HSD17B6: variants seen among roughly 807,000 people sequenced by gnomAD.
HSD17B6 encodes 17-beta-hydroxysteroid dehydrogenase type 6.
A neutral mutation model predicts 26.4 loss-of-function variants in HSD17B6; 16 were observed. The ratio of observed to expected loss-of-function variants is 0.61; its 90% CI spans 0.41 to 0.92. HSD17B6 has a LOEUF of 0.92. HSD17B6 is among the 40% of genes least tolerant of loss of function. The probability of loss-of-function intolerance (pLI) is 0.00; values close to 1 mark genes in which losing one functional copy is unlikely to be tolerated. For missense variants in HSD17B6, 357 were observed against 386.1 expected (o/e 0.92, Z 0.63); for synonymous variants, 139 against 153.0 (o/e 0.91, Z 0.68).
At position 56,787,108 on chromosome 12, in the gene HSD17B6, TC is replaced by T; in HGVS notation, c.737-16del. ...AGGAATAAGATTGTTGACCACCATT[TC>T]TTTTTTTGTATACAGTTTACAATAT... On this transcript the variant is annotated splice_polypyrimidine_tract_variant and intron_variant, in intron 4 of 4. Transcript: ENST00000322165. The T allele has an allele frequency of 6.3e-7, 1 of 1,582,418 alleles. No homozygotes were observed. Among genetic ancestry groups the T allele is most frequent in the Non-Finnish European group, 8.7e-7 (1 of 1,151,778 alleles).
chr12:56,782,198 A>G lies in HSD17B6; in HGVS notation c.538A>G (p.Lys180Glu). 1 of 1,614,188 alleles carries G rather than the reference A, an allele frequency of 6.2e-7. No individual in the cohort carries two copies. The highest frequency in any genetic ancestry group is 8.5e-7 in the Non-Finnish European group (1 of 1,180,014). The change falls in exon 3 of 5, where the codon AAG becomes GAG. Residue 180 changes from lysine (K) to glutamate (E), a missense_variant. Physicochemically the swap from Lys to Glu is moderately conservative, Grantham distance 56. Transcript: ENST00000322165. ...CTTTGTAGGAGGCTACTGTGTCTCC[A>G]AGTATGGAGTGGAAGCCTTTTCAGA... Reference protein sequence around the residue: ...AFFVGGYCVSKYGVEAFSDIL... With the variant: ...AFFVGGYCVSEYGVEAFSDIL...
At position 56,786,249 on chromosome 12, in the gene HSD17B6, G is replaced by GTT. The variant is rs56722036; in HGVS notation, c.737-859_737-858dup. Among the ~76,000 whole-genome samples the GTT allele has an allele frequency of 3.5e-4, 45 of 127,102 alleles. 1 individual carries two copies. Among genetic ancestry groups the GTT allele is most frequent in the African/African-American group, 5.5e-4 (19 of 34,732 alleles). 83.4% of individuals were successfully genotyped at this position (127,102 alleles called of 152,430 possible). On this transcript the variant is annotated intron_variant, in intron 4 of 4. Transcript: ENST00000322165. ...CTCTAGTAACAGAATTAAGTTGTGT[G>GTT]TTTTTTTTTTTTTTTTTTGAGACAG... is the stretch of plus-strand genomic sequence containing the variant.
At chr12:56,764,513 A>T (rs1237799143) in intron 1 of HSD17B6, among the ~76,000 whole-genome samples, 2 of 152,228 alleles carry the variant, frequency 1.3e-5, no homozygotes, top group Non-Finnish European at 2.9e-5. Context: ...GATAATGCAC[A>T]TTCCCATGGC....
intron 2 of HSD17B6, among the ~76,000 whole-genome samples, chr12:56,776,367 T>C (rs1226766221): frequency 7.0e-6 from 1 of 143,140 alleles, no homozygotes; most frequent in African/African-American, 2.7e-5. Flanking sequence ...TGCAGTGGAA[T>C]GATCATGGCC....
chr12:56,786,830 C>T (rs1268939220), intron 4 of HSD17B6, among the ~76,000 whole-genome samples: 12 of 152,002 alleles, frequency 7.9e-5, no homozygotes, highest in Non-Finnish European at 1.8e-4. Flanking sequence ...ACCTGGGTGA[C>T]AGAGCAAGAC....
At chr12:56,768,456 A>G (rs961174175) in intron 1 of HSD17B6, among the ~76,000 whole-genome samples, 2 of 152,050 alleles carry the variant, frequency 1.3e-5, no homozygotes, top group East Asian at 3.9e-4. Context: ...CTTAGGGAGG[A>G]TGAAAGGCAG....
intron 1 of HSD17B6, among the ~76,000 whole-genome samples, chr12:56,771,462 T>TC (rs1954471449): frequency 1.3e-5 from 2 of 148,572 alleles, no homozygotes; most frequent in African/African-American, 5.0e-5. Flanking sequence ...TTTTTTTTTT[T>TC]TTTTTTTTTT....
At chr12:56,774,310 A>G in intron 2 of HSD17B6, 145 bp downstream of exon 2, 1 of 679,944 alleles carries the variant, frequency 1.5e-6, no homozygotes, top group East Asian at 2.8e-5. Context: ...CTTATATAAA[A>G]TAGTGCAGTA....
chr12:56,773,877 G>A lies in HSD17B6; in HGVS notation c.25G>A (p.Val9Met), dbSNP rs769881156. The change falls in exon 2 of 5, where the codon GTG becomes ATG. Residue 9 changes from valine to methionine, a missense_variant. By Grantham distance (21) the Val-to-Met change is conservative. Coordinates refer to ENST00000322165, the MANE Select transcript of HSD17B6 (RefSeq NM_003725.4). ...TATGTGGCTCTACCTGGCGGCCTTC[G>A]TGGGCCTGTACTACCTTCTGCACTG... is the stretch of plus-strand genomic sequence containing the variant. MWLYLAAF[V>M]GLYYLLHWYR... The A allele has an allele frequency of 1.4e-5, 22 of 1,580,542 alleles. No homozygotes were observed. Among genetic ancestry groups the A allele is most frequent in the Admixed American group, 5.3e-5 (3 of 56,398 alleles).
chr12:56,774,155 G>A lies in HSD17B6; in HGVS notation c.303G>A (p.Val101=), dbSNP rs141210914. The change falls in exon 2 of 5, where the codon GTG becomes GTA. Residue 101 remains valine, a synonymous_variant. Coordinates refer to ENST00000322165, the MANE Select transcript of HSD17B6 (RefSeq NM_003725.4). ...CTACTCAGTGGGTGAAGGAGCATGT[G>A]GGGGACAGAGGTATGAAATATTTTC... ...AAATQWVKEH[V]GDRGLWGLVN... is the part of the protein sequence containing the mutation. The A allele has an allele frequency of 2.6e-4, 404 of 1,549,536 alleles. 5 individuals are homozygous for A. The African/African-American group carries it at 5.1e-3, about 20-fold the overall frequency.
intron 2 of HSD17B6, 82 bp from the exon 3 acceptor site, chr12:56,781,892 A>T: frequency 7.0e-7 from 1 of 1,427,968 alleles, no homozygotes; most frequent in South Asian, 1.3e-5. Context: ...ATTCCTCAAG[A>T]GTGATTCTTT....
rs113197909 is a variant in HSD17B6 at position 56,779,535 on chromosome 12, A to C, written c.314-2439A>C. 2.4e-3 allele frequency among the ~76,000 whole-genome samples: 360 copies of C among 152,194 alleles called. 1 individual carries two copies. Among genetic ancestry groups the C allele is most frequent in the African/African-American group, 8.3e-3 (346 of 41,518 alleles). On this transcript the variant is annotated intron_variant, in intron 2 of 4. Coordinates refer to ENST00000322165, the MANE Select transcript of HSD17B6 (RefSeq NM_003725.4). The stretch of plus-strand genomic sequence containing the variant: ...CCTTTATGCTCTTTTGAATTGATTG[A>C]ATTTTTATTCCACTTTTTCCACTAC...
intron 2 of HSD17B6, among the ~76,000 whole-genome samples, chr12:56,780,702 A>G (rs1479283092): frequency 2.0e-5 from 3 of 152,000 alleles, no homozygotes; most frequent in Non-Finnish European, 4.4e-5. Flanking sequence ...TACTAAAAAT[A>G]CCAAAAAAAT....
chr12:56,767,075 C>A (rs1954345062), intron 1 of HSD17B6, among the ~76,000 whole-genome samples: 1 of 152,066 alleles, frequency 6.6e-6, no homozygotes, highest in African/African-American at 2.4e-5. Flanking sequence ...CAGTGTAGTG[C>A]AGTGGTTAGA....
At chr12:56,779,343 G>T (rs769398006) in intron 2 of HSD17B6, among the ~76,000 whole-genome samples, 1 of 152,048 alleles carries the variant, frequency 6.6e-6, no homozygotes, top group Non-Finnish European at 1.5e-5. Context: ...TCACTGCATT[G>T]CCCAGGCTGG....
intron 1 of HSD17B6, among the ~76,000 whole-genome samples, chr12:56,764,746 G>A (rs1954285924): frequency 6.6e-6 from 1 of 152,188 alleles, no homozygotes; most frequent in Non-Finnish European, 1.5e-5. Flanking sequence ...ACTTACTCAA[G>A]GCTGCAGAAC....
intron 1 of HSD17B6, among the ~76,000 whole-genome samples, chr12:56,767,251 G>A (rs143666872): frequency 6.2e-4 from 94 of 152,024 alleles, no homozygotes; most frequent in African/African-American, 2.1e-3. Flanking sequence ...GGTGGCTCAC[G>A]CCTGTAATCC....
chr12:56,770,227 C>T (rs1429952315), intron 1 of HSD17B6: 1 of 152,294 alleles, frequency 6.6e-6, no homozygotes, highest in Non-Finnish European at 1.5e-5. Context: ...CCACTGTTTT[C>T]TCCCTTTCAC....
intron 2 of HSD17B6, among the ~76,000 whole-genome samples, chr12:56,779,925 A>C (rs1232076440): frequency 6.6e-6 from 1 of 152,108 alleles, no homozygotes; most frequent in East Asian, 1.9e-4. Flanking sequence ...TTTAAAAAAA[A>C]ATTTATTAAA....
Sources: gnomAD v4.1 joint callset for allele counts (sites outside exome capture counted in the v4.1 genomes callset) on GRCh38, gnomAD v4.1.1 for gene constraint, MANE v1.5 for transcripts, NCBI Gene and HGNC (gene_info 2026-07-23, HGNC 2026-07-21) for gene names.